Variants in DIP2C observed in about 807,000 individuals in gnomAD.
DIP2C encodes the protein disco-interacting protein 2 homolog C.
A neutral mutation model predicts 192.4 loss-of-function variants in DIP2C; 33 were observed. That is an observed-to-expected ratio of 0.17 (90% CI 0.13 to 0.23). The LOEUF (loss-of-function observed/expected upper bound fraction) is 0.23. Ranked by LOEUF, DIP2C falls within the 10% of genes least tolerant of loss-of-function variation. The pLI, the probability that DIP2C is intolerant of heterozygous loss-of-function variation, is 1.00. For missense variants in DIP2C, 1,537 were observed against 2,110.1 expected, an observed-to-expected ratio of 0.73 and a Z score of 5.32; for synonymous variants, 979 against 864.1, an observed-to-expected ratio of 1.13 and a Z score of -2.33.
chr10:397,527 C>CAAAA lies in DIP2C; in HGVS notation c.1260+1578_1260+1581dup, dbSNP rs370992251. ...CCTGGGAGACACAGCGACTCCATCT[C>CAAAA]AAAAAAAAAAAAAAAAGTGCTGAAG... On this transcript the variant is annotated intron_variant, in intron 10 of 36. Transcript: ENST00000280886. Among the ~76,000 whole-genome samples the CAAAA allele has an allele frequency of 1.4e-3, 187 of 132,076 alleles. 1 individual carries two copies. The highest frequency in any genetic ancestry group is 4.8e-3 in the African/African-American group (174 of 36,550). 86.6% of individuals were successfully genotyped at this position (132,076 alleles called of 152,430 possible). A position where few individuals can be genotyped will look rare whatever the true frequency, so the allele number is the denominator to read the frequency against.
intron 1 of DIP2C, among the ~76,000 whole-genome samples, chr10:549,833 G>C (rs1365395634): frequency 6.6e-6 from 1 of 152,030 alleles, no homozygotes; most frequent in Non-Finnish European, 1.5e-5. Context: ...ATAGATCTGA[G>C]TCCACAGATA....
intron 1 of DIP2C, among the ~76,000 whole-genome samples, chr10:565,354 T>TAAAAAAAAAAAAAAAAAAAAAAAAAAAAA (rs59721670): frequency 4.4e-5 from 5 of 114,106 alleles, no homozygotes; most frequent in African/African-American, 1.9e-4. Flanking sequence ...ACCTGCATTC[T>TAAAAAAAAAAAAAAAAAAAAAAAAAAAAA]AAAAAAAAAA....
chr10:374,283 ATACT>A (rs1418384869), intron 17 of DIP2C, among the ~76,000 whole-genome samples: 1 of 152,248 alleles, frequency 6.6e-6, no homozygotes, highest in African/African-American at 2.4e-5. Context: ...CAAAGCACAT[ATACT>A]TAAATTTTTA....
At chr10:289,623 C>G (rs1162901574) in intron 32 of DIP2C, among the ~76,000 whole-genome samples, 2 of 152,204 alleles carry the variant, frequency 1.3e-5, no homozygotes, top group African/African-American at 4.8e-5. Context: ...ACACAGCAGT[C>G]TTCCTCTGTA....
At position 376,390 on chromosome 10, in the gene DIP2C, C is replaced by T. The variant is rs906271714; in HGVS notation, c.1991+6257G>A. ...AATGAGGTGGTGCTCATCCCACACA[C>T]GACGTTCCCTGTGCTGGCGTCGAAG... On this transcript the variant is annotated intron_variant, in intron 17 of 36. Transcript: ENST00000280886. Among the ~76,000 whole-genome samples, 7 of 152,280 alleles carry T rather than the reference C, an allele frequency of 4.6e-5. No homozygotes were observed. In the South Asian group the frequency reaches 8.3e-4, roughly 18 times the overall value.
chr10:523,435 GTGTCACCCACACA>G, intron 1 of DIP2C, among the ~76,000 whole-genome samples: 1 of 129,854 alleles, frequency 7.7e-6, no homozygotes, highest in East Asian at 2.5e-4. Flanking sequence ...CAGGGGCTCT[GTGTCACCCACACA>G]CTCGTTTCTA....
At chr10:531,632 G>A (rs935704047) in intron 1 of DIP2C, among the ~76,000 whole-genome samples, 5 of 152,118 alleles carry the variant, frequency 3.3e-5, no homozygotes, top group African/African-American at 1.2e-4. Context: ...CGGTGTCACC[G>A]GCAAACCCAC....
At chr10:344,397 GGC>G (rs1363388320) in intron 28 of DIP2C, among the ~76,000 whole-genome samples, 6 of 117,226 alleles carry the variant, frequency 5.1e-5, no homozygotes, top group Non-Finnish European at 9.0e-5. Flanking sequence ...GCGGGGGCGG[GGC>G]GGGGGGGGGT....
At chr10:606,840 G>A (rs1175753812) in intron 1 of DIP2C, among the ~76,000 whole-genome samples, 3 of 152,178 alleles carry the variant, frequency 2.0e-5, no homozygotes, top group African/African-American at 4.8e-5. Flanking sequence ...TCTGGTGGGC[G>A]TCAGTGACGG....
chr10:433,252 G>A (rs1482998958), intron 4 of DIP2C, among the ~76,000 whole-genome samples: 2 of 152,134 alleles, frequency 1.3e-5, no homozygotes, highest in Non-Finnish European at 2.9e-5. Context: ...TTTTGCTTTG[G>A]CATTTTGATG....
intron 8 of DIP2C, among the ~76,000 whole-genome samples, chr10:412,598 C>G (rs1965260326): frequency 6.6e-6 from 1 of 152,178 alleles, no homozygotes; most frequent in Non-Finnish European, 1.5e-5. Context: ...CGCACGCTCC[C>G]AAACCCAATA....
In DIP2C at chr10:289,260, C is replaced by T. The variant is rs959780004; in HGVS notation, c.3987-839G>A. The stretch of plus-strand genomic sequence containing the variant: ...GCTCCTGAGACACCCTTCCTACCAT[C>T]CCCCAGTGATGTTTTTTTTTTTTTA... On this transcript the variant is annotated intron_variant, in intron 32 of 36. Coordinates refer to ENST00000280886, the MANE Select transcript of DIP2C (RefSeq NM_014974.3). Among the ~76,000 whole-genome samples the T allele has an allele frequency of 2.7e-5, 3 of 109,474 alleles. No homozygotes were observed. In the Admixed American group the frequency reaches 3.2e-4, roughly 12 times the overall value. The allele number at this position is 109,474 out of a possible 152,430, so 71.8% of individuals were successfully genotyped here.
At chr10:467,449 T>G (rs1377457888) in intron 3 of DIP2C, among the ~76,000 whole-genome samples, 1 of 148,344 alleles carries the variant, frequency 6.7e-6, no homozygotes, top group Non-Finnish European at 1.5e-5. Context: ...AGTTAGTGGG[T>G]GCAGCGCACC....
At chr10:408,432 G>C (rs925317387) in intron 9 of DIP2C, among the ~76,000 whole-genome samples, 4 of 152,192 alleles carry the variant, frequency 2.6e-5, no homozygotes, top group African/African-American at 7.2e-5. Context: ...AAATGGGAAA[G>C]AATCCCAGGC....
intron 1 of DIP2C, among the ~76,000 whole-genome samples, chr10:570,527 C>T (rs1032181819): frequency 1.3e-5 from 2 of 152,214 alleles, no homozygotes; most frequent in South Asian, 2.1e-4. Context: ...CAGAGGCCTG[C>T]GCTCTTCCAT....
chr10:436,210 A>T (rs1280239974), intron 4 of DIP2C, among the ~76,000 whole-genome samples: 1 of 152,166 alleles, frequency 6.6e-6, no homozygotes, highest in African/African-American at 2.4e-5. Flanking sequence ...TCTTGACCAC[A>T]GATTCTACCT....
intron 13 of DIP2C, among the ~76,000 whole-genome samples, chr10:388,690 C>G (rs1025211328): frequency 2.0e-5 from 3 of 152,200 alleles, no homozygotes; most frequent in Non-Finnish European, 2.9e-5. Flanking sequence ...ACCCACGAGA[C>G]ACACACGCTG....
chr10:401,271 G>T lies in DIP2C; in HGVS notation c.1150-2052C>A, dbSNP rs12770791. Among the ~76,000 whole-genome samples the T allele has an allele frequency of 3.0e-3, 320 of 107,462 alleles. 1 individual carries two copies. The highest frequency in any genetic ancestry group is 6.3e-3 in the Middle Eastern group (1 of 160). The allele number at this position is 107,462 out of a possible 152,430, so 70.5% of individuals were successfully genotyped here. A position where few individuals can be genotyped will look rare whatever the true frequency, so the allele number is the denominator to read the frequency against. ...CATGAATCCTATGATTTTACATGTG[G>T]GGTAGCATTAGCATTACTCTTCCTT... On this transcript the variant is annotated intron_variant, in intron 9 of 36. Coordinates refer to ENST00000280886, the MANE Select transcript of DIP2C (RefSeq NM_014974.3).
intron 1 of DIP2C, among the ~76,000 whole-genome samples, chr10:491,317 G>A (rs1005167110): frequency 1.3e-5 from 2 of 152,238 alleles, no homozygotes; most frequent in Admixed American, 6.5e-5. Context: ...TTTAATGCTG[G>A]AATTAATAGT....
Sources: gnomAD v4.1 joint callset for allele counts (sites outside exome capture counted in the v4.1 genomes callset) on GRCh38, gnomAD v4.1.1 for gene constraint, MANE v1.5 for transcripts, NCBI Gene and HGNC (gene_info 2026-07-23, HGNC 2026-07-21) for gene names.